The following LDLRAD4 variants were observed in gnomAD, a reference collection of about 807,000 sequenced individuals.
LDLRAD4 encodes low density lipoprotein receptor class A domain containing 4, also known as low-density lipoprotein receptor class A domain-containing protein 4.
Under a neutral mutation model 17.0 loss-of-function variants are expected in LDLRAD4, and 5 were observed. The ratio of observed to expected loss-of-function variants is 0.29; its 90% CI spans 0.15 to 0.62. The LOEUF (loss-of-function observed/expected upper bound fraction) is 0.62. Ranked by LOEUF, LDLRAD4 falls within the 20% of genes least tolerant of loss-of-function variation. The pLI is 0.84. For synonymous variants in LDLRAD4, 168 were observed against 171.8 expected (o/e 0.98, Z 0.17); for missense variants, 340 against 424.7 (o/e 0.80, Z 1.75).
chr18:13,352,528 C>T (rs1165823606), intron 1 of LDLRAD4, among the ~76,000 whole-genome samples: 3 of 152,006 alleles, frequency 2.0e-5, no homozygotes, highest in Non-Finnish European at 4.4e-5. Flanking sequence ...TTAAAAGATT[C>T]GGTCTTTTGA....
intron 3 of LDLRAD4, among the ~76,000 whole-genome samples, chr18:13,600,596 T>G (rs1379763498): frequency 6.6e-6 from 1 of 152,226 alleles, no homozygotes; most frequent in Admixed American, 6.5e-5. Flanking sequence ...ATTTGCTGTT[T>G]TGTCTGTTTG....
chr18:13,438,413 C>T (rs1305283570), intron 3 of LDLRAD4, 29 bp downstream of exon 4: 1 of 1,605,170 alleles, frequency 6.2e-7, no homozygotes, highest in Non-Finnish European at 8.5e-7. Context: ...CTGGGTGGCA[C>T]TGTCTGATGT....
At chr18:13,449,096 A>AT (rs1157991948) in intron 3 of LDLRAD4, among the ~76,000 whole-genome samples, 6 of 152,248 alleles carry the variant, frequency 3.9e-5, no homozygotes, top group Non-Finnish European at 7.3e-5. Context: ...GAGATCAAAG[A>AT]TAAAAAATAT....
chr18:13,632,191 A>T (rs2041722676), intron 4 of LDLRAD4, among the ~76,000 whole-genome samples: 1 of 152,196 alleles, frequency 6.6e-6, no homozygotes, highest in Non-Finnish European at 1.5e-5. Flanking sequence ...GCCAGTCAGA[A>T]ACCTTTGTGG....
intron 2 of LDLRAD4, among the ~76,000 whole-genome samples, chr18:13,389,246 C>T (rs539411392): frequency 2.6e-5 from 4 of 152,052 alleles, no homozygotes; most frequent in African/African-American, 9.7e-5. Flanking sequence ...CGTGGATACT[C>T]CTCCCCTCCA....
At chr18:13,446,162 C>A (rs907877396) in intron 3 of LDLRAD4, among the ~76,000 whole-genome samples, 1 of 152,126 alleles carries the variant, frequency 6.6e-6, no homozygotes, top group Admixed American at 6.5e-5. Context: ...TCATCTCATT[C>A]ATCTCTCAAA....
chr18:13,504,093 C>T (rs1425641628), intron 3 of LDLRAD4, among the ~76,000 whole-genome samples: 1 of 152,158 alleles, frequency 6.6e-6, no homozygotes, highest in Non-Finnish European at 1.5e-5. Context: ...ACATATCTCG[C>T]CTTGAATCAC....
intron 2 of LDLRAD4, among the ~76,000 whole-genome samples, chr18:13,415,393 T>C (rs930221269): frequency 2.0e-5 from 3 of 152,208 alleles, no homozygotes; most frequent in African/African-American, 7.2e-5. Context: ...CTATAGCACA[T>C]AGTGCGCCTG....
At chr18:13,338,537 A>G (rs1015325713) in intron 1 of LDLRAD4, among the ~76,000 whole-genome samples, 19 of 152,352 alleles carry the variant, frequency 1.2e-4, no homozygotes, top group African/African-American at 2.6e-4. Context: ...AAAGGTTACT[A>G]TCACACATAT....
At chr18:13,370,394 G>A (rs943337457) in intron 1 of LDLRAD4, among the ~76,000 whole-genome samples, 14 of 152,204 alleles carry the variant, frequency 9.2e-5, no homozygotes, top group African/African-American at 2.7e-4. Flanking sequence ...TGGACACCGA[G>A]GGGAACAGGC....
intron 1 of LDLRAD4, among the ~76,000 whole-genome samples, chr18:13,243,641 C>T (rs925330747): frequency 2.9e-4 from 43 of 150,612 alleles, no homozygotes; most frequent in African/African-American, 1.0e-3. Context: ...CCCGCACATT[C>T]ATCCATCGAT....
At chr18:13,494,674 A>AAATAT (rs1600810863) in intron 3 of LDLRAD4, among the ~76,000 whole-genome samples, 1 of 5,026 alleles carries the variant, frequency 2.0e-4, no homozygotes. Flanking sequence ...ATATTTAATA[A>AAATAT]TATAATATAT....
At chr18:13,313,920 G>A (rs1288694401) in intron 1 of LDLRAD4, among the ~76,000 whole-genome samples, 1 of 152,154 alleles carries the variant, frequency 6.6e-6, no homozygotes, top group African/African-American at 2.4e-5. Flanking sequence ...ATTTTTTGCA[G>A]TTTATGTGTT....
At chr18:13,569,559 G>T (rs2094656354) in intron 3 of LDLRAD4, among the ~76,000 whole-genome samples, 1 of 152,162 alleles carries the variant, frequency 6.6e-6, no homozygotes, top group East Asian at 1.9e-4. Context: ...TTTCCCTTTT[G>T]ATAGAAACGA....
chr18:13,404,942 A>G (rs554591189), intron 2 of LDLRAD4, among the ~76,000 whole-genome samples: 1 of 152,200 alleles, frequency 6.6e-6, no homozygotes, highest in Admixed American at 6.5e-5. Context: ...GGTCGTATGA[A>G]GAAGGAAAGA....
intron 1 of LDLRAD4, among the ~76,000 whole-genome samples, chr18:13,234,534 A>C (rs2042241327): frequency 1.3e-5 from 2 of 150,116 alleles, no homozygotes; most frequent in Non-Finnish European, 1.5e-5. Context: ...GCAGGTCCAC[A>C]GACTCGTAGG....
At chr18:13,568,313 A>G (rs4531810) in intron 3 of LDLRAD4, among the ~76,000 whole-genome samples, 145,365 of 151,054 alleles carry the variant, frequency 0.96, 69,985 homozygotes, top group East Asian at 1. Context: ...AAAAAAGAAA[A>G]AAACAAGTTT....
At chr18:13,351,283 G>T (rs557580354) in intron 1 of LDLRAD4, among the ~76,000 whole-genome samples, 1 of 152,230 alleles carries the variant, frequency 6.6e-6, no homozygotes, top group South Asian at 2.1e-4. Context: ...TTTTCCATTT[G>T]TTTGTGTCCT....
At chr18:13,316,065 A>G (rs1295209822) in intron 1 of LDLRAD4, among the ~76,000 whole-genome samples, 1 of 152,196 alleles carries the variant, frequency 6.6e-6, no homozygotes, top group African/African-American at 2.4e-5. Context: ...TGGGGGTGCC[A>G]GCAGGATTTG....
Sources: gnomAD v4.1 joint callset for allele counts (sites outside exome capture counted in the v4.1 genomes callset) on GRCh38, gnomAD v4.1.1 for gene constraint, MANE v1.5 for transcripts, NCBI Gene and HGNC (gene_info 2026-07-23, HGNC 2026-07-21) for gene names.